Variants in UPF1 observed in about 807,000 individuals in gnomAD.
UPF1 encodes the protein UPF1 RNA helicase and ATPase, also known as regulator of nonsense transcripts 1.
A neutral mutation model predicts 129.2 loss-of-function variants in UPF1; 9 were observed. The observed-to-expected ratio is 0.07, with a 90% CI of 0.04 to 0.12. The LOEUF is 0.12. Ranked by LOEUF, UPF1 falls within the 10% of genes least tolerant of loss-of-function variation. UPF1 has a pLI of 1.00. For missense variants in UPF1, 788 were observed against 1,525.3 expected (o/e 0.52, Z 8.05); for synonymous variants, 649 against 644.9 (o/e 1.01, Z -0.10).
At chr19:18,863,349 T>A in intron 18 of UPF1, 89 bp from the exon 19 acceptor site, 1 of 1,527,114 alleles carries the variant, frequency 6.5e-7, no homozygotes. Context: ...TGGATTTGGG[T>A]TCTGAGTGAA....
Position 18,860,972 on chromosome 19 carries a change from A to G in UPF1, c.2447A>G (p.Lys816Arg). ...CAGTTCAGCGGCTCCCTGCACACCAAGCTCTACCAGGTGCGCTGCGCCCTC... is the reference window on the plus strand; with the variant it reads ...CAGTTCAGCGGCTCCCTGCACACCAGGCTCTACCAGGTGCGCTGCGCCCTC... ...YMQFSGSLHT[K>R]LYQEVEIASV... is the part of the protein sequence containing the mutation. Residue 816 changes from lysine to arginine, a missense_variant, in exon 17 of 24, where the codon AAG (lysine) becomes AGG (arginine). By Grantham distance (26) the Lys-to-Arg change is conservative. Coordinates refer to ENST00000262803, the MANE Select transcript of UPF1 (RefSeq NM_002911.4). 6.3e-7 allele frequency: 1 copy of G among 1,581,748 alleles called. No homozygotes were observed. Among genetic ancestry groups the G allele is most frequent in the Non-Finnish European group, 8.6e-7 (1 of 1,165,132 alleles).
rs1203321681 is a variant in UPF1, at chr19:18,866,527, G to A, written c.*10G>A. On this transcript the variant is annotated 3_prime_UTR_variant, in exon 24 of 24. Transcript: ENST00000262803. Reference sequence around the variant, plus strand: ...CCCTTCTCCCTCCTGACAGGTGGCGGCGGAAGAGCTAAGCAACGTGGCTTA... The same window carrying A: ...CCCTTCTCCCTCCTGACAGGTGGCGACGGAAGAGCTAAGCAACGTGGCTTA... 4.8e-5 allele frequency: 11 copies of A among 230,476 alleles called. No individual in the cohort carries two copies. The highest frequency in any genetic ancestry group is 5.0e-5 in the Non-Finnish European group (6 of 119,440). The allele number at this position is 230,476 out of a possible 1,614,324, so 14.3% of individuals were successfully genotyped here.
chr19:18,842,646 G>A (rs2055553324), intron 1 of UPF1, among the ~76,000 whole-genome samples: 1 of 152,088 alleles, frequency 6.6e-6, no homozygotes, highest in Non-Finnish European at 1.5e-5. Context: ...CACTCTGAGG[G>A]TGTGGTGAAC....
chr19:18,844,434 C>T (rs968401780), intron 1 of UPF1, among the ~76,000 whole-genome samples: 3 of 151,876 alleles, frequency 2.0e-5, no homozygotes, highest in South Asian at 4.1e-4. Flanking sequence ...AGCAATTCTC[C>T]TGTCTCAGCC....
chr19:18,837,175 G>A (rs906894650), intron 1 of UPF1, among the ~76,000 whole-genome samples: 2 of 150,650 alleles, frequency 1.3e-5, no homozygotes, highest in Non-Finnish European at 3.0e-5. Context: ...CTGCAGCCTC[G>A]ACCTCCTGGG....
chr19:18,837,043 C>T (rs566267240), intron 1 of UPF1, among the ~76,000 whole-genome samples: 3 of 152,110 alleles, frequency 2.0e-5, no homozygotes, highest in South Asian at 2.1e-4. Flanking sequence ...TGAGCCACTG[C>T]GCCCAGCCTG....
rs541317000 is a variant in UPF1 at position 18,835,509 on chromosome 19, A to G, written c.231+3069A>G. ...GGTGCACACCACCATGCCCCGGCTA[A>G]TTTTTGTATTTTTAGTAGAGACGGG... On this transcript the variant is annotated intron_variant, in intron 1 of 23. Transcript: ENST00000262803. Among the ~76,000 whole-genome samples the G allele has an allele frequency of 1.7e-3, 263 of 152,142 alleles. 1 individual carries two copies. The highest frequency in any genetic ancestry group is 6.8e-3 in the Middle Eastern group (2 of 294).
chr19:18,839,201 C>T (rs1401229357), intron 1 of UPF1, among the ~76,000 whole-genome samples: 2 of 152,148 alleles, frequency 1.3e-5, no homozygotes, highest in East Asian at 1.9e-4. Flanking sequence ...AAGTGATTTT[C>T]CTGCCTCAGC....
chr19:18,865,453 G>A lies in UPF1; in HGVS notation c.3019+3G>A. 1 of 1,612,792 alleles carries A rather than the reference G, an allele frequency of 6.2e-7. No homozygotes were observed. The highest frequency in any genetic ancestry group is 1.3e-5 in the African/African-American group (1 of 75,042). On this transcript the variant is annotated splice_donor_region_variant and intron_variant, in intron 21 of 23. Coordinates refer to ENST00000262803, the MANE Select transcript of UPF1 (RefSeq NM_002911.4). The surrounding 1 kb of genome is among the most constrained non-coding windows in gnomAD (Gnocchi z 6.1). ...ACAAGCCAACGGGCCTGCTGCAGGTGAGCATCTGTGGCTGCGGCTGGGTGT... is the reference window on the plus strand; with the variant it reads ...ACAAGCCAACGGGCCTGCTGCAGGTAAGCATCTGTGGCTGCGGCTGGGTGT...
chr19:18,854,039 GT>G (rs1169760190), intron 8 of UPF1, among the ~76,000 whole-genome samples: 1 of 152,220 alleles, frequency 6.6e-6, no homozygotes, highest in Non-Finnish European at 1.5e-5. Flanking sequence ...CGTGAGACCG[GT>G]TTTGGGGCTC....
chr19:18,837,114 A>G (rs1016666603), intron 1 of UPF1, among the ~76,000 whole-genome samples: 30 of 149,232 alleles, frequency 2.0e-4, no homozygotes, highest in Non-Finnish European at 3.7e-4. Flanking sequence ...TTTTAAGGCA[A>G]AGTCTCATTC....
Position 18,865,217 on chromosome 19 carries a change from T to C in UPF1, c.2858-72T>C, listed in dbSNP as rs895193695. ...TGTGCAGCTCCGGCTGACTGGCTGG[T>C]GGGGTGGGTGGGGTATCGCTGGGGT... is the stretch of plus-strand genomic sequence containing the variant. On this transcript the variant is annotated intron_variant, in intron 20 of 23. Transcript: ENST00000262803. The surrounding 1 kb of genome is among the most constrained non-coding windows in gnomAD (Gnocchi z 6.1). 2.0e-6 allele frequency: 3 copies of C among 1,489,470 alleles called. No individual in the cohort carries two copies. The highest frequency in any genetic ancestry group is 2.7e-6 in the Non-Finnish European group (3 of 1,106,334). The allele number at this position is 1,489,470 out of a possible 1,614,324, so 92.3% of individuals were successfully genotyped here.
intron 3 of UPF1, 140 bp from the exon 4 acceptor site, chr19:18,849,935 G>A: frequency 9.5e-7 from 1 of 1,053,142 alleles, no homozygotes; most frequent in Non-Finnish European, 1.4e-6. Context: ...CTGGCCCCCA[G>A]AGATGCCAGA....
chr19:18,856,166 TG>T lies in UPF1; in HGVS notation c.1710-19del. 1 of 1,605,890 alleles carries T rather than the reference TG, an allele frequency of 6.2e-7. No individual in the cohort carries two copies. Among genetic ancestry groups the T allele is most frequent in the South Asian group, 1.1e-5 (1 of 90,928 alleles). On this transcript the variant is annotated intron_variant, in intron 12 of 23. Coordinates refer to ENST00000262803, the MANE Select transcript of UPF1 (RefSeq NM_002911.4). ...CATGTACAGAACTCAGGCACCCTGC[TG>T]ACCTGCATGTGCTTCCAGCATGCCT...
intron 1 of UPF1, among the ~76,000 whole-genome samples, chr19:18,840,322 C>T (rs2055528303): frequency 6.6e-6 from 1 of 152,182 alleles, no homozygotes; most frequent in Non-Finnish European, 1.5e-5. Context: ...CAGGGAGCCA[C>T]AGACTTAAAA....
At chr19:18,839,928 G>A (rs2055524010) in intron 1 of UPF1, among the ~76,000 whole-genome samples, 1 of 152,190 alleles carries the variant, frequency 6.6e-6, no homozygotes, top group Non-Finnish European at 1.5e-5. Context: ...CTCTGGAGTT[G>A]TTCAGAAGCT....
rs762676723 is a variant in UPF1, at chr19:18,862,007, C to T, written c.2458-3C>T. 6 of 1,613,694 alleles carry T rather than the reference C, an allele frequency of 3.7e-6. No homozygotes were observed. In the South Asian group the frequency reaches 6.6e-5, roughly 18 times the overall value. On this transcript the variant is annotated splice_polypyrimidine_tract_variant and splice_region_variant and intron_variant, in intron 17 of 23. Transcript: ENST00000262803. ...TGATAGTGACCACAAAGCTCCCTTC[C>T]AGGAGGTGGAGATCGCCAGTGTGGA...
Position 18,853,228 on chromosome 19 carries a change from CCT to C in UPF1, c.1058-18_1058-17del, listed in dbSNP as rs375588279. The C allele has an allele frequency of 2.6e-4, 420 of 1,604,598 alleles. 3 individuals carry two copies. In the East Asian group the frequency reaches 7.2e-3, roughly 27 times the overall value. ...GCGACGGCGTGGGTTAAAATGGCCA[CCT>C]CTCTCACTTTTTTACCTCAAGACAT... On this transcript the variant is annotated intron_variant, in intron 7 of 23. Coordinates refer to ENST00000262803, the MANE Select transcript of UPF1 (RefSeq NM_002911.4). The surrounding 1 kb of genome is among the most constrained non-coding windows in gnomAD (Gnocchi z 4.4).
chr19:18,851,215 G>C lies in UPF1; in HGVS notation c.810+347G>C. The C allele has an allele frequency of 5.3e-6, 1 of 189,428 alleles. No homozygotes were observed. The highest frequency in any genetic ancestry group is 1.4e-4 in the East Asian group (1 of 7,208). 11.7% of individuals were successfully genotyped at this position (189,428 alleles called of 1,614,324 possible). On this transcript the variant is annotated intron_variant, in intron 5 of 23. Transcript: ENST00000262803. This position sits in a 1 kb window ranked among gnomAD's most constrained non-coding sequence, Gnocchi z 4.2. Reference sequence around the variant, plus strand: ...AGCCTGAACCTGCCCAGACAGGTGGGCTGCGAGAATGTCCTGGGGAAATAG... The same window carrying C: ...AGCCTGAACCTGCCCAGACAGGTGGCCTGCGAGAATGTCCTGGGGAAATAG...
Sources: allele counts gnomAD v4.1 joint callset (sites outside exome capture counted in the v4.1 genomes callset), GRCh38; gene constraint gnomAD v4.1.1; non-coding constraint Gnocchi (gnomAD v3.1); transcripts MANE v1.5; gene names NCBI Gene and HGNC (gene_info 2026-07-23, HGNC 2026-07-21).